ROBO2: variants seen among roughly 807,000 people sequenced by gnomAD.
The protein encoded by ROBO2 is roundabout guidance receptor 2.
ROBO2 carries 53 observed loss-of-function variants against 160.8 expected under a neutral mutation model. That is an observed-to-expected ratio of 0.33 (90% CI 0.26 to 0.41). The LOEUF is 0.41. Ranked by LOEUF, ROBO2 falls within the 10% of genes least tolerant of loss-of-function variation. The pLI is 1.00. For synonymous variants in ROBO2, 664 were observed against 611.7 expected, an observed-to-expected ratio of 1.09 and a Z score of -1.26; for missense variants, 1,577 against 1,722.4, an observed-to-expected ratio of 0.92 and a Z score of 1.49.
Position 77,595,256 on chromosome 3 carries a change from C to G in ROBO2, c.2726+72C>G, listed in dbSNP as rs897804934. The G allele has an allele frequency of 3.5e-6, 4 of 1,137,184 alleles. No homozygotes were observed. In the East Asian group the frequency reaches 9.6e-5, roughly 27 times the overall value. The allele number at this position is 1,137,184 out of a possible 1,614,324, so 70.4% of individuals were successfully genotyped here. A position where few individuals can be genotyped will look rare whatever the true frequency, so the allele number is the denominator to read the frequency against. ...ACTGGGGAAACTCTATAGTAAGAGCCTATTATTGTAATAAATGATCACTTA... is the reference window on the plus strand; with the variant it reads ...ACTGGGGAAACTCTATAGTAAGAGCGTATTATTGTAATAAATGATCACTTA... On this transcript the variant is annotated intron_variant, in intron 18 of 25. Coordinates refer to ENST00000461745, the Ensembl canonical transcript of ROBO2.
intron 2 of ROBO2, among the ~76,000 whole-genome samples, chr3:76,613,180 GTCT>G (rs2088278496): frequency 6.6e-6 from 1 of 152,044 alleles, no homozygotes; most frequent in African/African-American, 2.4e-5. Flanking sequence ...GGTGCTCTCT[GTCT>G]TCTTGTTTTC....
At chr3:77,387,574 G>C (rs1047960258) in intron 2 of ROBO2, among the ~76,000 whole-genome samples, 1 of 150,716 alleles carries the variant, frequency 6.6e-6, no homozygotes, top group Admixed American at 6.6e-5. Flanking sequence ...GATCTCCTGC[G>C]ATCACCCTGT....
intron 2 of ROBO2, among the ~76,000 whole-genome samples, chr3:76,698,446 T>G (rs547109332): frequency 6.6e-6 from 1 of 152,238 alleles, no homozygotes; most frequent in Non-Finnish European, 1.5e-5. Flanking sequence ...GTGTAGCTTT[T>G]GACAATTTTC....
At chr3:76,593,169 G>T (rs540331948) in intron 2 of ROBO2, among the ~76,000 whole-genome samples, 1 of 152,046 alleles carries the variant, frequency 6.6e-6, no homozygotes, top group Non-Finnish European at 1.5e-5. Flanking sequence ...TTCCTAACTT[G>T]TTAGAAGATA....
intron 2 of ROBO2, among the ~76,000 whole-genome samples, chr3:76,862,546 T>C (rs2070901193): frequency 6.6e-6 from 1 of 152,090 alleles, no homozygotes; most frequent in South Asian, 2.1e-4. Flanking sequence ...GGTTATGATC[T>C]AATGATGATA....
intron 2 of ROBO2, among the ~76,000 whole-genome samples, chr3:76,766,741 A>C (rs1173988021): frequency 6.6e-6 from 1 of 151,488 alleles, no homozygotes; most frequent in African/African-American, 2.4e-5. Flanking sequence ...TGAAGCTCTT[A>C]TTGGGATAAA....
intron 2 of ROBO2, among the ~76,000 whole-genome samples, chr3:76,688,960 T>A (rs976167591): frequency 6.6e-6 from 1 of 152,050 alleles, no homozygotes; most frequent in Admixed American, 6.6e-5. Context: ...AAATAATGAA[T>A]CATTGCTTAC....
chr3:76,948,897 TATATATATA>T (rs1209124164), intron 2 of ROBO2, among the ~76,000 whole-genome samples: 9 of 30,662 alleles, frequency 2.9e-4, no homozygotes, highest in South Asian at 2.4e-3. Context: ...TATATATATA[TATATATATA>T]TATTTTTTTT....
At chr3:76,706,710 A>G (rs917996177) in intron 2 of ROBO2, among the ~76,000 whole-genome samples, 1 of 152,184 alleles carries the variant, frequency 6.6e-6, no homozygotes, top group Non-Finnish European at 1.5e-5. Flanking sequence ...AATATTTCCA[A>G]GGAATTAAAT....
At chr3:76,075,730 A>G (rs1210016913) in intron 2 of ROBO2, among the ~76,000 whole-genome samples, 1 of 152,214 alleles carries the variant, frequency 6.6e-6, no homozygotes, top group Admixed American at 6.5e-5. Context: ...GTCAATAGAA[A>G]GAGCAAAACA....
chr3:76,247,524 T>C (rs1705692465), intron 2 of ROBO2, among the ~76,000 whole-genome samples: 3 of 152,302 alleles, frequency 2.0e-5, no homozygotes, highest in African/African-American at 7.2e-5. Context: ...CTGTCCTATC[T>C]ATGCGCTATG....
chr3:76,000,424 A>T (rs1268237894), intron 2 of ROBO2, among the ~76,000 whole-genome samples: 1 of 151,944 alleles, frequency 6.6e-6, no homozygotes, highest in Non-Finnish European at 1.5e-5. Context: ...CAGTAACCAC[A>T]CTATGAGTCA....
chr3:76,882,799 C>T (rs1433623767), intron 2 of ROBO2, among the ~76,000 whole-genome samples: 4 of 152,128 alleles, frequency 2.6e-5, no homozygotes, highest in African/African-American at 4.8e-5. Flanking sequence ...TACTAGGAAA[C>T]TAAAATTTTA....
intron 11 of ROBO2, chr3:77,564,305 T>C (rs966926308): frequency 2.1e-5 from 7 of 326,152 alleles, no homozygotes; most frequent in African/African-American, 8.9e-5. Context: ...CATCTGTGGC[T>C]GGCTGTAAAT....
chr3:76,899,986 A>AATTTACAAT (rs1308762236), intron 2 of ROBO2, among the ~76,000 whole-genome samples: 4 of 152,146 alleles, frequency 2.6e-5, no homozygotes, highest in African/African-American at 9.7e-5. Flanking sequence ...GAGACTGGAC[A>AATTTACAAT]ATTTACAATA....
intron 2 of ROBO2, among the ~76,000 whole-genome samples, chr3:76,645,382 C>T (rs965116449): frequency 6.6e-6 from 1 of 152,118 alleles, no homozygotes; most frequent in African/African-American, 2.4e-5. Flanking sequence ...AACTTAAGTT[C>T]TTAGGCCCAG....
intron 2 of ROBO2, among the ~76,000 whole-genome samples, chr3:77,181,488 A>G (rs960862344): frequency 3.3e-5 from 5 of 152,130 alleles, no homozygotes; most frequent in African/African-American, 1.2e-4. Flanking sequence ...TTATTTCGGT[A>G]TATAATTTTA....
intron 10 of ROBO2, 53 bp from the exon 12 acceptor site, chr3:77,563,114 T>C: frequency 6.4e-7 from 1 of 1,569,090 alleles, no homozygotes; most frequent in African/African-American, 1.3e-5. Flanking sequence ...TTTTAGGCAG[T>C]ATTGTCAACT....
chr3:77,502,548 C>T (rs1255962533), intron 5 of ROBO2, among the ~76,000 whole-genome samples: 4 of 152,006 alleles, frequency 2.6e-5, no homozygotes, highest in African/African-American at 9.7e-5. Flanking sequence ...TCACTGGAAA[C>T]ATATTAGAAG....
Sources: allele counts gnomAD v4.1 joint callset (sites outside exome capture counted in the v4.1 genomes callset), GRCh38; gene constraint gnomAD v4.1.1; transcripts MANE v1.5; gene names NCBI Gene and HGNC (gene_info 2026-07-23, HGNC 2026-07-21).